The following PCED1B variants were observed in gnomAD, a reference collection of about 807,000 sequenced individuals.
The protein encoded by PCED1B is PC-esterase domain containing 1B, also known as PC-esterase domain-containing protein 1B.
For synonymous variants in PCED1B, 251 were observed against 246.1 expected (o/e 1.02, Z -0.19); for missense variants, 573 against 573.9 (o/e 1.00, Z 0.02).
intron 1 of PCED1B, among the ~76,000 whole-genome samples, chr12:47,088,072 C>G (rs1041453267): frequency 1.3e-5 from 2 of 152,102 alleles, no homozygotes; most frequent in Non-Finnish European, 2.9e-5. Context: ...AAGATGGAAA[C>G]GCAGTACTAA....
intron 2 of PCED1B, among the ~76,000 whole-genome samples, chr12:47,138,845 T>C (rs1432395117): frequency 6.6e-6 from 1 of 152,228 alleles, no homozygotes; most frequent in Non-Finnish European, 1.5e-5. Context: ...GTTTACCATC[T>C]TGAATAAACA....
intron 1 of PCED1B, among the ~76,000 whole-genome samples, chr12:47,080,437 G>A (rs1937636274): frequency 6.6e-6 from 1 of 152,164 alleles, no homozygotes; most frequent in Non-Finnish European, 1.5e-5. Context: ...GCAGTTGACT[G>A]TCTGGGTTTA....
At chr12:47,117,977 G>T (rs1409668031) in intron 2 of PCED1B, among the ~76,000 whole-genome samples, 1 of 152,122 alleles carries the variant, frequency 6.6e-6, no homozygotes, top group African/African-American at 2.4e-5. Context: ...TCATGTGTCT[G>T]TTGGCTGCAT....
At chr12:47,206,519 TG>T (rs1240305052) in intron 2 of PCED1B, 2 of 152,194 alleles carry the variant, frequency 1.3e-5, no homozygotes, top group Non-Finnish European at 2.9e-5. Flanking sequence ...ACCATAATAT[TG>T]TCAATGATTG....
intron 3 of PCED1B, chr12:47,224,105 G>A (rs1329420103): frequency 1.3e-5 from 2 of 152,162 alleles, no homozygotes; most frequent in African/African-American, 4.8e-5. Context: ...GAATAATGAT[G>A]CAAGACCATC....
At chr12:47,177,621 G>A (rs1326906132) in intron 2 of PCED1B, among the ~76,000 whole-genome samples, 2 of 152,036 alleles carry the variant, frequency 1.3e-5, no homozygotes, top group Admixed American at 1.3e-4. Context: ...GGGGTGGGGG[G>A]TGGCAACTAG....
At chr12:47,229,931 G>T (rs866486801) in intron 3 of PCED1B, among the ~76,000 whole-genome samples, 31 of 144,660 alleles carry the variant, frequency 2.1e-4, no homozygotes, top group African/African-American at 4.6e-4. Context: ...CACCACACCC[G>T]GCTAATATTT....
At chr12:47,131,436 T>G (rs1219866740) in intron 2 of PCED1B, among the ~76,000 whole-genome samples, 2 of 152,172 alleles carry the variant, frequency 1.3e-5, no homozygotes, top group Non-Finnish European at 2.9e-5. Flanking sequence ...AGGATAAATG[T>G]GTAAAAAGTT....
In PCED1B at chr12:47,089,458, ATACATATATATATATATAT is replaced by A. The variant is rs1438035431; in HGVS notation, c.-609+9734_-609+9752del. The stretch of plus-strand genomic sequence containing the variant: ...CAAGACTCCATCTCAAAAAAAAAAA[ATACATATATATATATATAT>A]ATATATATATATATATGTATATACC... On this transcript the variant is annotated intron_variant, in intron 1 of 3. Coordinates refer to ENST00000546455, the MANE Select transcript of PCED1B (RefSeq NM_138371.3). Among the ~76,000 whole-genome samples, 16 of 46,804 alleles carry A rather than the reference ATACATATATATATATATAT, an allele frequency of 3.4e-4. 1 individual carries two copies. The Middle Eastern group carries it at 0.034, about 99-fold the overall frequency. The allele number at this position is 46,804 out of a possible 152,430, so 30.7% of individuals were successfully genotyped here.
intron 3 of PCED1B, among the ~76,000 whole-genome samples, chr12:47,221,126 A>T (rs1366272812): frequency 6.6e-6 from 1 of 152,178 alleles, no homozygotes; most frequent in Non-Finnish European, 1.5e-5. Flanking sequence ...AACTATACCA[A>T]TTAAAAAATA....
intron 2 of PCED1B, among the ~76,000 whole-genome samples, chr12:47,134,767 C>G (rs1056067636): frequency 2.0e-5 from 3 of 152,168 alleles, no homozygotes; most frequent in African/African-American, 7.2e-5. Flanking sequence ...ACTCGGGAAG[C>G]TGAGGCAGGA....
intron 1 of PCED1B, among the ~76,000 whole-genome samples, chr12:47,092,296 A>G (rs570948723): frequency 6.6e-6 from 1 of 152,082 alleles, no homozygotes; most frequent in Non-Finnish European, 1.5e-5. Context: ...TTTTGATGCT[A>G]TTGTAAATAT....
chr12:47,191,676 A>G (rs879413226), intron 2 of PCED1B, among the ~76,000 whole-genome samples: 12 of 152,166 alleles, frequency 7.9e-5, no homozygotes, highest in Non-Finnish European at 1.5e-4. Context: ...TGCAAAATAG[A>G]TTGCCCTGGG....
At chr12:47,148,939 C>T (rs534960424) in intron 2 of PCED1B, among the ~76,000 whole-genome samples, 106 of 152,266 alleles carry the variant, frequency 7.0e-4, no homozygotes, top group African/African-American at 2.2e-3. Context: ...CCTTCTGTCC[C>T]GTTTTTTTCT....
intron 1 of PCED1B, among the ~76,000 whole-genome samples, chr12:47,096,091 G>A (rs11183726): frequency 0.34 from 52,253 of 151,854 alleles, 9,806 homozygotes; most frequent in East Asian, 0.62. Flanking sequence ...TCCTCATCTC[G>A]GGGAGAAGAG....
chr12:47,125,851 T>C (rs183200938), intron 2 of PCED1B, among the ~76,000 whole-genome samples: 158 of 152,218 alleles, frequency 1.0e-3, no homozygotes, highest in Admixed American at 3.5e-3. Flanking sequence ...ATTTTGTTCT[T>C]GTATCCCACA....
At chr12:47,231,543 T>C (rs1295703377) in intron 3 of PCED1B, among the ~76,000 whole-genome samples, 1 of 152,190 alleles carries the variant, frequency 6.6e-6, no homozygotes, top group African/African-American at 2.4e-5. Context: ...TTCACAGGAA[T>C]TTTTATGGCT....
intron 2 of PCED1B, among the ~76,000 whole-genome samples, chr12:47,117,872 T>A (rs1318799416): frequency 6.6e-6 from 1 of 152,198 alleles, no homozygotes; most frequent in Non-Finnish European, 1.5e-5. Context: ...GTTTCCTGAC[T>A]TTTTAATGAT....
At chr12:47,107,632 C>T (rs931548693) in intron 2 of PCED1B, among the ~76,000 whole-genome samples, 14 of 152,280 alleles carry the variant, frequency 9.2e-5, no homozygotes, top group African/African-American at 3.4e-4. Flanking sequence ...GTGGCACAGG[C>T]ACCAACAGGC....
Sources: gnomAD v4.1 joint callset for allele counts (sites outside exome capture counted in the v4.1 genomes callset) on GRCh38, gnomAD v4.1.1 for gene constraint, MANE v1.5 for transcripts, NCBI Gene and HGNC (gene_info 2026-07-23, HGNC 2026-07-21) for gene names.